Variants in KCNIP4 observed in about 807,000 individuals in gnomAD.
KCNIP4 encodes Kv channel-interacting protein 4.
KCNIP4 carries 12 observed loss-of-function variants against 34.0 expected under a neutral mutation model. The observed-to-expected ratio is 0.35, with a 90% CI of 0.23 to 0.57. KCNIP4 has a LOEUF of 0.57. KCNIP4 is among the 20% of genes least tolerant of loss of function. The pLI is 0.83. For missense variants in KCNIP4, 238 were observed against 311.7 expected, an observed-to-expected ratio of 0.76 and a Z score of 1.78; for synonymous variants, 124 against 102.2, an observed-to-expected ratio of 1.21 and a Z score of -1.29.
At chr4:21,637,890 G>A (rs1031075029) in intron 1 of KCNIP4, among the ~76,000 whole-genome samples, 1 of 151,816 alleles carries the variant, frequency 6.6e-6, no homozygotes, top group Non-Finnish European at 1.5e-5. Flanking sequence ...CAAACTGAGA[G>A]TGTTTGACAC....
chr4:21,388,019 G>A (rs919594849), intron 1 of KCNIP4, among the ~76,000 whole-genome samples: 2 of 150,362 alleles, frequency 1.3e-5, no homozygotes, highest in Non-Finnish European at 2.9e-5. Context: ...GGGATGAAAG[G>A]CATTTACATA....
At chr4:21,255,089 C>G (rs1760974932) in intron 1 of KCNIP4, among the ~76,000 whole-genome samples, 2 of 152,060 alleles carry the variant, frequency 1.3e-5, no homozygotes, top group Non-Finnish European at 2.9e-5. Context: ...TCCTCTACCC[C>G]CACCCTGGCT....
At chr4:21,347,406 T>C (rs960683173) in intron 1 of KCNIP4, among the ~76,000 whole-genome samples, 3 of 152,164 alleles carry the variant, frequency 2.0e-5, no homozygotes, top group African/African-American at 7.2e-5. Flanking sequence ...GAGCTGGGAA[T>C]TACTCTGTCT....
At chr4:20,849,597 C>G (rs768062256) in intron 3 of KCNIP4, among the ~76,000 whole-genome samples, 10 of 151,922 alleles carry the variant, frequency 6.6e-5, no homozygotes, top group Non-Finnish European at 1.0e-4. Flanking sequence ...ACATCACAGA[C>G]TTCTACACGC....
intron 3 of KCNIP4, among the ~76,000 whole-genome samples, chr4:20,786,233 G>A (rs958811994): frequency 6.6e-6 from 1 of 152,102 alleles, no homozygotes; most frequent in African/African-American, 2.4e-5. Flanking sequence ...TTATACATGA[G>A]AGTTAAGGCT....
In KCNIP4 at chr4:21,046,873, G is replaced by A. The variant is rs1313306693; in HGVS notation, c.62-164164C>T. On this transcript the variant is annotated intron_variant, in intron 1 of 8. Coordinates refer to ENST00000382152, the MANE Select transcript of KCNIP4 (RefSeq NM_025221.6). Reference sequence around the variant, plus strand: ...CTTCCAAAGTGCTGGGATTACAGGCGTCAGCCACCGCGCCTGGTCAGTTGC... The same window carrying A: ...CTTCCAAAGTGCTGGGATTACAGGCATCAGCCACCGCGCCTGGTCAGTTGC... Among the ~76,000 whole-genome samples, 4 of 152,268 alleles carry A rather than the reference G, an allele frequency of 2.6e-5. No individual in the cohort carries two copies. The South Asian group carries it at 6.2e-4, about 24-fold the overall frequency.
chr4:20,900,539 T>C (rs914733972), intron 1 of KCNIP4, among the ~76,000 whole-genome samples: 1 of 152,194 alleles, frequency 6.6e-6, no homozygotes, highest in Non-Finnish European at 1.5e-5. Flanking sequence ...AAATAAATCA[T>C]GACTTTTTCA....
intron 3 of KCNIP4, among the ~76,000 whole-genome samples, chr4:20,763,998 T>C (rs1407099580): frequency 6.6e-6 from 1 of 152,196 alleles, no homozygotes; most frequent in Non-Finnish European, 1.5e-5. Context: ...ATTTTTTCAT[T>C]AGATTTTTCT....
chr4:20,862,809 T>C (rs77044542), intron 2 of KCNIP4, among the ~76,000 whole-genome samples: 195 of 152,282 alleles, frequency 1.3e-3, no homozygotes, highest in African/African-American at 4.3e-3. Flanking sequence ...CAAGATTATA[T>C]CATTTGCAGA....
chr4:20,794,800 C>G (rs769285036), intron 3 of KCNIP4, among the ~76,000 whole-genome samples: 1 of 152,194 alleles, frequency 6.6e-6, no homozygotes, highest in Non-Finnish European at 1.5e-5. Context: ...GCATTCAGAG[C>G]AGTCTTTACA....
intron 1 of KCNIP4, among the ~76,000 whole-genome samples, chr4:21,083,310 T>C (rs1746161078): frequency 6.6e-6 from 1 of 151,588 alleles, no homozygotes; most frequent in Non-Finnish European, 1.5e-5. Flanking sequence ...CCTCAGAAAA[T>C]GACTAGACTT....
intron 1 of KCNIP4, among the ~76,000 whole-genome samples, chr4:21,556,311 G>T (rs572783971): frequency 6.6e-6 from 1 of 152,214 alleles, no homozygotes; most frequent in Admixed American, 6.5e-5. Context: ...ACATGATTCA[G>T]TTAACACTAC....
intron 1 of KCNIP4, among the ~76,000 whole-genome samples, chr4:21,711,748 C>A (rs1024251239): frequency 3.3e-5 from 5 of 152,098 alleles, no homozygotes; most frequent in Non-Finnish European, 7.4e-5. Flanking sequence ...ACTAATGAAC[C>A]TGTGATGTGC....
intron 1 of KCNIP4, among the ~76,000 whole-genome samples, chr4:21,841,178 T>C (rs2109320524): frequency 6.6e-6 from 1 of 152,324 alleles, no homozygotes; most frequent in East Asian, 1.9e-4. Flanking sequence ...CTTACAATTC[T>C]CATAATGCTT....
intron 1 of KCNIP4, among the ~76,000 whole-genome samples, chr4:21,172,533 C>G (rs1754088500): frequency 6.6e-6 from 1 of 152,080 alleles, no homozygotes; most frequent in East Asian, 1.9e-4. Context: ...CTTTTATTGC[C>G]TCTCCTACTG....
intron 1 of KCNIP4, among the ~76,000 whole-genome samples, chr4:21,257,222 T>C (rs1468945043): frequency 6.6e-6 from 1 of 152,198 alleles, no homozygotes; most frequent in Non-Finnish European, 1.5e-5. Flanking sequence ...AGTTCCACTT[T>C]TGGCATGTTC....
At chr4:20,941,327 G>C (rs1243223168) in intron 1 of KCNIP4, among the ~76,000 whole-genome samples, 3 of 152,138 alleles carry the variant, frequency 2.0e-5, no homozygotes, top group African/African-American at 7.2e-5. Flanking sequence ...GGTTGCCAAA[G>C]TTTTTCCTTG....
At chr4:20,886,240 G>T (rs1725297505) in intron 1 of KCNIP4, among the ~76,000 whole-genome samples, 1 of 152,162 alleles carries the variant, frequency 6.6e-6, no homozygotes, top group African/African-American at 2.4e-5. Context: ...CTTGAGAGAA[G>T]AAAAATCCCA....
chr4:21,103,774 C>T (rs1237614640), intron 1 of KCNIP4, among the ~76,000 whole-genome samples: 2 of 144,142 alleles, frequency 1.4e-5, no homozygotes. Context: ...GTGATGTTCC[C>T]CTTCCTGTGT....
Sources: allele counts gnomAD v4.1 joint callset (sites outside exome capture counted in the v4.1 genomes callset), GRCh38; gene constraint gnomAD v4.1.1; transcripts MANE v1.5; gene names NCBI Gene and HGNC (gene_info 2026-07-23, HGNC 2026-07-21).